The following CADPS variants were observed in gnomAD, a reference collection of about 807,000 sequenced individuals.
CADPS encodes calcium-dependent secretion activator 1.
CADPS carries 57 observed loss-of-function variants against 167.3 expected under a neutral mutation model. That is an observed-to-expected ratio of 0.34 (90% CI 0.28 to 0.42). CADPS has a LOEUF of 0.42. CADPS is among the 20% of genes least tolerant of loss of function. The pLI, the probability that CADPS is intolerant of heterozygous loss-of-function variation, is 1.00. For missense variants in CADPS, 1,414 were observed against 1,738.1 expected (o/e 0.81, Z 3.32); for synonymous variants, 676 against 635.3 (o/e 1.06, Z -0.96).
chr3:62,486,672 T>G (rs2062867463), intron 21 of CADPS, among the ~76,000 whole-genome samples: 2 of 152,148 alleles, frequency 1.3e-5, no homozygotes, highest in South Asian at 4.1e-4. Flanking sequence ...CCATGAGGGT[T>G]CTTGGCTTCA....
chr3:62,814,312 G>C (rs1480551693), intron 1 of CADPS: 3 of 151,966 alleles, frequency 2.0e-5, no homozygotes, highest in African/African-American at 4.8e-5. Flanking sequence ...ATAAAAACAG[G>C]TGAAATTTTC....
chr3:62,855,856 A>G (rs1174189496), intron 1 of CADPS, among the ~76,000 whole-genome samples: 1 of 152,176 alleles, frequency 6.6e-6, no homozygotes, highest in Non-Finnish European at 1.5e-5. Context: ...AAGGGGCAAT[A>G]TGATAAAAAA....
At chr3:62,409,473 G>A (rs1013372693) in intron 28 of CADPS, among the ~76,000 whole-genome samples, 1 of 152,190 alleles carries the variant, frequency 6.6e-6, no homozygotes, top group Non-Finnish European at 1.5e-5. Flanking sequence ...GGGACTCGGG[G>A]GCATCCCCAT....
chr3:62,522,152 A>AT (rs1561607276), intron 13 of CADPS, among the ~76,000 whole-genome samples: 54 of 137,086 alleles, frequency 3.9e-4, no homozygotes, highest in African/African-American at 1.1e-3. Flanking sequence ...TATCTATCTA[A>AT]CTATTGAGAC....
chr3:62,669,320 T>C (rs554959795), intron 3 of CADPS, among the ~76,000 whole-genome samples: 1 of 152,298 alleles, frequency 6.6e-6, no homozygotes, highest in African/African-American at 2.4e-5. Flanking sequence ...CCCATGTTTT[T>C]TTATCCTCCT....
At chr3:62,563,180 A>G (rs546439305) in intron 9 of CADPS, among the ~76,000 whole-genome samples, 3 of 150,186 alleles carry the variant, frequency 2.0e-5, no homozygotes, top group South Asian at 2.1e-4. Context: ...TAACCAGACT[A>G]TATCTGATAA....
chr3:62,637,811 G>A (rs536985142), intron 6 of CADPS, among the ~76,000 whole-genome samples: 28 of 152,046 alleles, frequency 1.8e-4, no homozygotes, highest in African/African-American at 6.5e-4. Context: ...TCACCTCTCT[G>A]GATTTCAATA....
At chr3:62,866,941 G>A (rs2081806757) in intron 1 of CADPS, among the ~76,000 whole-genome samples, 1 of 151,978 alleles carries the variant, frequency 6.6e-6, no homozygotes, top group Non-Finnish European at 1.5e-5. Flanking sequence ...TTGAACCAGG[G>A]ACTGATAGTC....
rs1282020825 is a variant in CADPS at position 62,465,155 on chromosome 3, T to C, written c.3636+212A>G. ...TGTGTGTTCATAAAAAATACACACA[T>C]ATTGTACCTTTACAAATGAAATAGA... On this transcript the variant is annotated intron_variant, in intron 26 of 29. Transcript: ENST00000383710. The surrounding 1 kb of genome is among the most constrained non-coding windows in gnomAD (Gnocchi z 4.1). Among the ~76,000 whole-genome samples the C allele has an allele frequency of 6.6e-6, 1 of 152,214 alleles. No homozygotes were observed. Among genetic ancestry groups the C allele is most frequent in the African/African-American group, 2.4e-5 (1 of 41,460 alleles).
chr3:62,431,765 C>T (rs1323362260), intron 28 of CADPS, among the ~76,000 whole-genome samples: 1 of 151,600 alleles, frequency 6.6e-6, no homozygotes, highest in East Asian at 1.9e-4. Flanking sequence ...ATTTTGAATA[C>T]AGTGTATGAG....
intron 6 of CADPS, among the ~76,000 whole-genome samples, chr3:62,593,368 G>A (rs778807406): frequency 6.6e-6 from 1 of 152,178 alleles, no homozygotes; most frequent in Admixed American, 6.5e-5. Flanking sequence ...TTCCACACAC[G>A]GGAGCCTGGC....
chr3:62,746,641 T>C (rs1575771731), intron 3 of CADPS, among the ~76,000 whole-genome samples: 1 of 152,162 alleles, frequency 6.6e-6, no homozygotes, highest in East Asian at 1.9e-4. Flanking sequence ...CCCAACCAGG[T>C]GATCCTTTTA....
chr3:62,864,860 C>T (rs1413807561), intron 1 of CADPS, among the ~76,000 whole-genome samples: 5 of 152,070 alleles, frequency 3.3e-5, no homozygotes, highest in East Asian at 1.9e-4. Context: ...ACTTAGTCTA[C>T]GTCAGTGTAT....
chr3:62,461,703 T>C (rs1190440503), intron 26 of CADPS, among the ~76,000 whole-genome samples: 1 of 152,184 alleles, frequency 6.6e-6, no homozygotes, highest in Non-Finnish European at 1.5e-5. Flanking sequence ...GTCGCTCATG[T>C]CCTCTGCAGA....
In CADPS at chr3:62,870,809, A is replaced by G. The variant is rs978104; in HGVS notation, c.441+3780T>C. Among the ~76,000 whole-genome samples, 404 of 152,274 alleles carry G rather than the reference A, an allele frequency of 2.7e-3. 2 individuals carry two copies. Among genetic ancestry groups the G allele is most frequent in the African/African-American group, 9.0e-3 (374 of 41,572 alleles). On this transcript the variant is annotated intron_variant, in intron 1 of 29. Transcript: ENST00000383710. ...GTGCCTGCTTTTACATTCCCTCACT[A>G]TAAGTAGCTAGTTCACACAAGGTAG... is the stretch of plus-strand genomic sequence containing the variant.
At chr3:62,678,980 G>T (rs1475366074) in intron 3 of CADPS, among the ~76,000 whole-genome samples, 1 of 152,012 alleles carries the variant, frequency 6.6e-6, no homozygotes, top group Non-Finnish European at 1.5e-5. Context: ...ACCCCTCAGG[G>T]TTCCCAAGGC....
chr3:62,711,161 T>C (rs4688326), intron 3 of CADPS, among the ~76,000 whole-genome samples: 13,683 of 152,264 alleles, frequency 0.09, 739 homozygotes, highest in South Asian at 0.16. Flanking sequence ...TATAAAGGCA[T>C]CCAATTCTAT....
At chr3:62,830,002 T>C (rs534561826) in intron 1 of CADPS, among the ~76,000 whole-genome samples, 2 of 152,266 alleles carry the variant, frequency 1.3e-5, no homozygotes, top group South Asian at 4.1e-4. Context: ...ACCACCACCA[T>C]GTGGGTAAGT....
intron 3 of CADPS, among the ~76,000 whole-genome samples, chr3:62,696,929 T>C (rs1037202371): frequency 7.2e-5 from 11 of 152,080 alleles, no homozygotes; most frequent in Non-Finnish European, 1.6e-4. Flanking sequence ...GGCTGACATA[T>C]GTACAGTACC....
Sources: gnomAD v4.1 joint callset for allele counts (sites outside exome capture counted in the v4.1 genomes callset) on GRCh38, gnomAD v4.1.1 for gene constraint, Gnocchi (gnomAD v3.1) non-coding constraint, MANE v1.5 for transcripts, NCBI Gene and HGNC (gene_info 2026-07-23, HGNC 2026-07-21) for gene names.